The following KL variants were observed in gnomAD, a reference collection of about 807,000 sequenced individuals.
KL encodes the protein alpha-klotho.
KL carries 62 observed loss-of-function variants against 84.2 expected under a neutral mutation model. The observed-to-expected ratio is 0.74, with a 90% CI of 0.60 to 0.91. KL has a LOEUF of 0.91. KL is among the 40% of genes least tolerant of loss of function. The pLI is 0.00. For missense variants in KL, 1,261 were observed against 1,305.7 expected (o/e 0.97, Z 0.53); for synonymous variants, 528 against 528.0 (o/e 1.00, Z 0.00).
chr13:33,064,194 C>T lies in KL; in HGVS notation c.*8C>T, dbSNP rs773877611. Reference sequence around the variant, plus strand: ...AGAAGAAGTTACAAATAGTTCTGAACATTTTTCTATTCATTCATTTTGAAA... The same window carrying T: ...AGAAGAAGTTACAAATAGTTCTGAATATTTTTCTATTCATTCATTTTGAAA... On this transcript the variant is annotated 3_prime_UTR_variant, in exon 5 of 5. Transcript: ENST00000380099. 21 of 1,564,408 alleles carry T rather than the reference C, an allele frequency of 1.3e-5. No individual in the cohort carries two copies. Among genetic ancestry groups the T allele is most frequent in the Middle Eastern group, 1.7e-4 (1 of 5,780 alleles).
chr13:33,056,516 A>G (rs1345527293), intron 3 of KL, among the ~76,000 whole-genome samples: 1 of 152,096 alleles, frequency 6.6e-6, no homozygotes, highest in Non-Finnish European at 1.5e-5. Flanking sequence ...CCTTCCATTT[A>G]AAAGATGACT....
At chr13:33,019,626 C>T (rs568391204) in intron 1 of KL, among the ~76,000 whole-genome samples, 34 of 151,794 alleles carry the variant, frequency 2.2e-4, no homozygotes, top group African/African-American at 8.2e-4. Context: ...AACAGCAGGA[C>T]AAATAATGGA....
intron 1 of KL, among the ~76,000 whole-genome samples, chr13:33,039,829 T>C (rs1871273792): frequency 6.6e-6 from 1 of 152,174 alleles, no homozygotes; most frequent in Non-Finnish European, 1.5e-5. Context: ...GACCTGGCTG[T>C]AGCAAAACAG....
At chr13:33,061,856 A>C in intron 4 of KL, 76 bp downstream of exon 4, 5 of 1,422,970 alleles carry the variant, frequency 3.5e-6, no homozygotes, top group Non-Finnish European at 4.9e-6. Context: ...AATCTCCAAC[A>C]TCAACACACA....
chr13:33,060,849 T>A lies in KL; in HGVS notation c.1770T>A (p.Val590=). Residue 590 remains valine (V), a synonymous_variant, in exon 4 of 5, where the codon GTT becomes GTA. Transcript: ENST00000380099. ...TCGCTTTACTCCAGGAAATGCACGT[T>A]ACACATTTTCGCTTCTCCCTGGACT... ...PQIALLQEMH[V]THFRFSLDWA... The A allele has an allele frequency of 6.2e-7, 1 of 1,614,196 alleles. No homozygotes were observed. Among genetic ancestry groups the A allele is most frequent in the Non-Finnish European group, 8.5e-7 (1 of 1,180,012 alleles).
chr13:33,037,909 A>C (rs1435985510), intron 1 of KL, among the ~76,000 whole-genome samples: 5 of 152,146 alleles, frequency 3.3e-5, no homozygotes, highest in Admixed American at 1.3e-4. Context: ...CTTCATGAGC[A>C]TGTGAGCAAT....
At chr13:33,058,687 C>T (rs183770259) in intron 3 of KL, among the ~76,000 whole-genome samples, 225 of 152,028 alleles carry the variant, frequency 1.5e-3, no homozygotes, top group African/African-American at 5.1e-3. Flanking sequence ...AAATGATACC[C>T]TAGTCTTTCA....
intron 1 of KL, among the ~76,000 whole-genome samples, chr13:33,040,248 A>G (rs1484897973): frequency 6.6e-6 from 1 of 152,238 alleles, no homozygotes; most frequent in Admixed American, 6.5e-5. Flanking sequence ...TAGAAATAAG[A>G]GAAATAATTT....
At chr13:33,038,995 G>A (rs685417) in intron 1 of KL, among the ~76,000 whole-genome samples, 91,519 of 151,914 alleles carry the variant, frequency 0.6, 29,119 homozygotes, top group Middle Eastern at 0.72. Context: ...CATAATAAAT[G>A]CCCACTGTCC....
At chr13:33,030,852 A>C (rs759567538) in intron 1 of KL, among the ~76,000 whole-genome samples, 3 of 152,252 alleles carry the variant, frequency 2.0e-5, no homozygotes, top group Non-Finnish European at 4.4e-5. Flanking sequence ...CAATAGTTGA[A>C]ACAAAATATT....
Position 33,061,204 on chromosome 13 carries a change from C to G in KL, c.2125C>G (p.Leu709Val), listed in dbSNP as rs1415308243. 6.2e-7 allele frequency: 1 copy of G among 1,614,112 alleles called. No individual in the cohort carries two copies. The highest frequency in any genetic ancestry group is 8.5e-7 in the Non-Finnish European group (1 of 1,180,030). ...AGHNLLKAHALAWHVYNEKFR... is the reference protein window; with the variant it reads ...AGHNLLKAHAVAWHVYNEKFR... ...CCACAACCTTCTGAAGGCCCATGCC[C>G]TGGCTTGGCATGTGTACAATGAAAA... The change falls in exon 4 of 5, where the codon CTG (leucine) becomes GTG (valine). Residue 709 changes from leucine to valine, a missense_variant. Leu to Val is a conservative substitution (Grantham distance 32). Coordinates refer to ENST00000380099, the MANE Select transcript of KL (RefSeq NM_004795.4).
intron 1 of KL, among the ~76,000 whole-genome samples, chr13:33,042,773 G>A (rs1329740392): frequency 6.6e-6 from 1 of 152,060 alleles, no homozygotes; most frequent in East Asian, 1.9e-4. Flanking sequence ...CTTCTGCCAC[G>A]TGGGTCCAAG....
intron 1 of KL, among the ~76,000 whole-genome samples, chr13:33,037,732 G>C (rs1463446880): frequency 1.3e-5 from 2 of 151,956 alleles, no homozygotes; most frequent in African/African-American, 4.8e-5. Context: ...TTGCTTCTCT[G>C]CAATTGCCAT....
chr13:33,049,797 C>G (rs527353), intron 1 of KL, among the ~76,000 whole-genome samples: 101,133 of 151,990 alleles, frequency 0.67, 34,125 homozygotes, highest in Admixed American at 0.76. Context: ...CAACTGCTAT[C>G]AGCCATTTTC....
At chr13:33,050,091 A>G (rs1200668800) in intron 1 of KL, among the ~76,000 whole-genome samples, 1 of 152,202 alleles carries the variant, frequency 6.6e-6, no homozygotes, top group Non-Finnish European at 1.5e-5. Flanking sequence ...TTATACTATC[A>G]TGTATTAAAA....
intron 1 of KL, among the ~76,000 whole-genome samples, chr13:33,029,850 G>A (rs1316312867): frequency 1.3e-5 from 2 of 151,962 alleles, no homozygotes; most frequent in African/African-American, 4.8e-5. Context: ...AGTCGGGATG[G>A]TCTCGATCTC....
Position 33,060,689 on chromosome 13 carries a change from C to T in KL, c.1610C>T (p.Thr537Ile), listed in dbSNP as rs151309147. 74 of 1,614,100 alleles carry T rather than the reference C, an allele frequency of 4.6e-5. No homozygotes were observed. Among genetic ancestry groups the T allele is most frequent in the Non-Finnish European group, 5.6e-5 (66 of 1,180,040 alleles). Residue 537 changes from threonine to isoleucine, a missense_variant, in exon 4 of 5, where the codon ACT becomes ATT. Transcript: ENST00000380099. ...VVDNYIQVDT[T>I]LSQFTDLNVY... ...CTCTGCCCTTCACAGGTAGATACCACTCTGTCTCAGTTTACCGACCTGAAT... is the reference window on the plus strand; with the variant it reads ...CTCTGCCCTTCACAGGTAGATACCATTCTGTCTCAGTTTACCGACCTGAAT...
At position 33,058,594 on chromosome 13, in the gene KL, C is replaced by T. The variant is rs546184594; in HGVS notation, c.1600-2085C>T. Among the ~76,000 whole-genome samples, 4 of 152,254 alleles carry T rather than the reference C, an allele frequency of 2.6e-5. No individual in the cohort carries two copies. The East Asian group carries it at 5.8e-4, about 22-fold the overall frequency. On this transcript the variant is annotated intron_variant, in intron 3 of 4. Coordinates refer to ENST00000380099, the MANE Select transcript of KL (RefSeq NM_004795.4). ...TGACCTCGGGATCCACCCACCTCGG[C>T]CTCCCAAAGTGCTGGGATTACAGGC...
intron 3 of KL, 22 bp from the exon 4 acceptor site, chr13:33,060,657 A>T: frequency 6.2e-6 from 10 of 1,614,114 alleles, no homozygotes; most frequent in Non-Finnish European, 8.5e-6. Context: ...GGTGACGCTA[A>T]TGTTTACTCT....
Sources: gnomAD v4.1 joint callset for allele counts (sites outside exome capture counted in the v4.1 genomes callset) on GRCh38, gnomAD v4.1.1 for gene constraint, MANE v1.5 for transcripts, NCBI Gene and HGNC (gene_info 2026-07-23, HGNC 2026-07-21) for gene names.